The following CNTNAP2 variants were observed in gnomAD, a reference collection of about 807,000 sequenced individuals.
The protein encoded by CNTNAP2 is contactin-associated protein-like 2.
CNTNAP2 carries 98 observed loss-of-function variants against 155.2 expected under a neutral mutation model. The ratio of observed to expected loss-of-function variants is 0.63; its 90% CI spans 0.54 to 0.75. CNTNAP2 has a LOEUF of 0.75. CNTNAP2 is among the 30% of genes least tolerant of loss of function. The pLI, the probability that CNTNAP2 is intolerant of heterozygous loss-of-function variation, is 0.00. For synonymous variants in CNTNAP2, 651 were observed against 631.2 expected (o/e 1.03, Z -0.47); for missense variants, 1,727 against 1,688.1 (o/e 1.02, Z -0.40).
intron 1 of CNTNAP2, among the ~76,000 whole-genome samples, chr7:146,502,200 T>A (rs1039235330): frequency 5.6e-5 from 8 of 143,628 alleles, no homozygotes; most frequent in Non-Finnish European, 1.2e-4. Flanking sequence ...CTAAATAATA[T>A]TCCATTGTGT....
intron 1 of CNTNAP2, among the ~76,000 whole-genome samples, chr7:146,471,613 T>C (rs1055765013): frequency 6.6e-5 from 10 of 152,234 alleles, no homozygotes; most frequent in Non-Finnish European, 1.5e-4. Flanking sequence ...TTTCTCAATT[T>C]GTGTGTGCAG....
chr7:146,413,272 G>A (rs1438737317), intron 1 of CNTNAP2, among the ~76,000 whole-genome samples: 1 of 152,088 alleles, frequency 6.6e-6, no homozygotes, highest in Admixed American at 6.5e-5. Context: ...ATGTCGTGAG[G>A]GCCACTTTCT....
intron 2 of CNTNAP2, among the ~76,000 whole-genome samples, chr7:146,804,022 T>C (rs1047584918): frequency 6.6e-6 from 1 of 152,186 alleles, no homozygotes; most frequent in African/African-American, 2.4e-5. Context: ...ATTCTACCTT[T>C]GGACTTCAGC....
chr7:147,479,865 C>T (rs1029058511), intron 10 of CNTNAP2, among the ~76,000 whole-genome samples: 4 of 151,494 alleles, frequency 2.6e-5, no homozygotes, highest in African/African-American at 9.7e-5. Flanking sequence ...AGTTTTACCA[C>T]TATAATGTTA....
At chr7:148,258,913 C>A (rs897024616) in intron 20 of CNTNAP2, among the ~76,000 whole-genome samples, 1 of 151,850 alleles carries the variant, frequency 6.6e-6, no homozygotes, top group Non-Finnish European at 1.5e-5. Context: ...CACGGTGGCT[C>A]ACACCTGTAA....
intron 10 of CNTNAP2, among the ~76,000 whole-genome samples, chr7:147,484,883 G>C (rs1257532235): frequency 6.6e-6 from 1 of 152,216 alleles, no homozygotes; most frequent in Admixed American, 6.5e-5. Context: ...CTGTTTTTGA[G>C]AGTTCCCTAC....
intron 13 of CNTNAP2, among the ~76,000 whole-genome samples, chr7:147,758,900 G>A (rs1321926936): frequency 6.6e-6 from 1 of 151,926 alleles, no homozygotes; most frequent in Non-Finnish European, 1.5e-5. Flanking sequence ...AGCAGCCATG[G>A]GCATTTGCTT....
chr7:148,231,796 ACCCATAGTCCCTAAT>A (rs1176271553), intron 20 of CNTNAP2, among the ~76,000 whole-genome samples: 1 of 152,148 alleles, frequency 6.6e-6, no homozygotes, highest in Non-Finnish European at 1.5e-5. Context: ...GGGAACAAAG[ACCCATAGTCCCTAAT>A]CACATCTCTT....
At chr7:147,794,926 G>C (rs1357669982) in intron 13 of CNTNAP2, among the ~76,000 whole-genome samples, 1 of 150,770 alleles carries the variant, frequency 6.6e-6, no homozygotes, top group African/African-American at 2.4e-5. Flanking sequence ...AAAGTTCGTA[G>C]TAATACCCCA....
chr7:147,692,267 C>T (rs1584903008), intron 13 of CNTNAP2, among the ~76,000 whole-genome samples: 1 of 152,082 alleles, frequency 6.6e-6, no homozygotes, highest in East Asian at 1.9e-4. Context: ...TACTGAAGGA[C>T]ATCTTGATTG....
chr7:148,114,598 T>C (rs1239714082), intron 15 of CNTNAP2, among the ~76,000 whole-genome samples: 2 of 152,128 alleles, frequency 1.3e-5, no homozygotes, highest in Admixed American at 6.5e-5. Flanking sequence ...AATCTTGTTA[T>C]AATAAAAAAA....
chr7:147,634,081 T>A (rs1278683838), intron 12 of CNTNAP2, among the ~76,000 whole-genome samples: 2 of 152,194 alleles, frequency 1.3e-5, no homozygotes, highest in Non-Finnish European at 2.9e-5. Flanking sequence ...AGCTACCATT[T>A]GATCCAGCAA....
intron 21 of CNTNAP2, among the ~76,000 whole-genome samples, chr7:148,279,656 A>G (rs1465946806): frequency 6.6e-6 from 1 of 152,182 alleles, no homozygotes; most frequent in African/African-American, 2.4e-5. Context: ...TCTCCTCCTC[A>G]GGCAGATAGA....
At chr7:147,786,947 C>A (rs961699140) in intron 13 of CNTNAP2, among the ~76,000 whole-genome samples, 28 of 151,090 alleles carry the variant, frequency 1.9e-4, no homozygotes, top group Non-Finnish European at 3.7e-4. Context: ...CCAGGCTGGA[C>A]AACAGGCCAC....
chr7:146,191,455 TATTGTC>T (rs1463699882), intron 1 of CNTNAP2, among the ~76,000 whole-genome samples: 2 of 152,158 alleles, frequency 1.3e-5, no homozygotes, highest in South Asian at 2.1e-4. Context: ...TTTGGGCACA[TATTGTC>T]ATTGATAACA....
At chr7:146,491,965 T>C (rs700276) in intron 1 of CNTNAP2, among the ~76,000 whole-genome samples, 78,585 of 151,614 alleles carry the variant, frequency 0.52, 20,516 homozygotes, top group Admixed American at 0.62. Flanking sequence ...GCAAAAATGG[T>C]TGTGACTGTT....
chr7:147,304,941 T>C (rs1795000028), intron 9 of CNTNAP2, among the ~76,000 whole-genome samples: 1 of 152,122 alleles, frequency 6.6e-6, no homozygotes, highest in Admixed American at 6.6e-5. Flanking sequence ...ACCATTTTGT[T>C]ATTGTATGTT....
chr7:146,602,565 T>G (rs1350093396), intron 1 of CNTNAP2, among the ~76,000 whole-genome samples: 1 of 152,226 alleles, frequency 6.6e-6, no homozygotes, highest in African/African-American at 2.4e-5. Context: ...TTCCTTTGTA[T>G]TTTAATGAGT....
chr7:147,299,132 C>G (rs73742532), intron 8 of CNTNAP2, among the ~76,000 whole-genome samples: 3,745 of 152,242 alleles, frequency 0.025, 142 homozygotes, highest in African/African-American at 0.083. Flanking sequence ...ATACCCCCCA[C>G]CCACCACCTT....
Sources: gnomAD v4.1 joint callset for allele counts (sites outside exome capture counted in the v4.1 genomes callset) on GRCh38, gnomAD v4.1.1 for gene constraint, MANE v1.5 for transcripts, NCBI Gene and HGNC (gene_info 2026-07-23, HGNC 2026-07-21) for gene names.